NOX4: variants seen among roughly 807,000 people sequenced by gnomAD.
The protein encoded by NOX4 is NADPH oxidase 4, also known as kidney oxidase-1.
NOX4 carries 69 observed loss-of-function variants against 87.6 expected under a neutral mutation model. The observed-to-expected ratio is 0.79, with a 90% CI of 0.65 to 0.96. The LOEUF (loss-of-function observed/expected upper bound fraction) is 0.96, where lower values mean the gene tolerates loss of function less well. Among genes scored for constraint, NOX4 ranks in the 40% least tolerant of loss-of-function variants. NOX4 has a pLI of 0.00. For synonymous variants in NOX4, 275 were observed against 238.2 expected (o/e 1.15, Z -1.42); for missense variants, 680 against 681.5 (o/e 1.00, Z 0.02).
chr11:89,406,958 G>C lies in NOX4; in HGVS notation c.630-4416C>G, dbSNP rs147939607. Among the ~76,000 whole-genome samples, 135 of 152,152 alleles carry C rather than the reference G, an allele frequency of 8.9e-4. 1 individual carries two copies. Among genetic ancestry groups the C allele is most frequent in the African/African-American group, 3.2e-3 (132 of 41,546 alleles). On this transcript the variant is annotated intron_variant, in intron 8 of 17. Coordinates refer to ENST00000263317, the MANE Select transcript of NOX4 (RefSeq NM_016931.5). ...AAGGATGTAGAGATTCCAGGGGTTA[G>C]AGAATAGGAGAATGGCATTCCAATA...
In NOX4 at chr11:89,333,366, T is replaced by C. The variant is rs191019583; in HGVS notation, c.1616+2479A>G. On this transcript the variant is annotated intron_variant, in intron 17 of 17. Transcript: ENST00000263317. ...TGTTAAAAAACTAAGGTTTTGATTT[T>C]AAATATATATCACACACACACACAT... is the stretch of plus-strand genomic sequence containing the variant. Among the ~76,000 whole-genome samples, 19 of 151,862 alleles carry C rather than the reference T, an allele frequency of 1.3e-4. No homozygotes were observed. The East Asian group carries it at 3.7e-3, about 29-fold the overall frequency.
upstream of NOX4, among the ~76,000 whole-genome samples, chr11:89,502,718 A>G (rs1947035507): frequency 6.6e-6 from 1 of 152,088 alleles, no homozygotes; most frequent in Non-Finnish European, 1.5e-5. Flanking sequence ...TTTGATGTTG[A>G]GAAACACAGC....
At chr11:89,466,747 G>A (rs890943463) in intron 2 of NOX4, among the ~76,000 whole-genome samples, 2 of 152,122 alleles carry the variant, frequency 1.3e-5, no homozygotes, top group African/African-American at 4.8e-5. Flanking sequence ...ATGAGAAACA[G>A]AGTATGAATA....
chr11:89,526,920 G>A, the NOX4 span, among the ~76,000 whole-genome samples: 6 of 152,148 alleles, frequency 3.9e-5, no homozygotes, highest in African/African-American at 1.4e-4. Context: ...GCAGAGGTTG[G>A]AACAGAAGAC....
the NOX4 span, among the ~76,000 whole-genome samples, chr11:89,570,362 G>A: frequency 6.6e-6 from 1 of 152,172 alleles, no homozygotes; most frequent in Non-Finnish European, 1.5e-5. Flanking sequence ...GAGGGTTGAA[G>A]GAGAGTGAGG....
chr11:89,563,331 T>C, the NOX4 span, among the ~76,000 whole-genome samples: 1 of 152,184 alleles, frequency 6.6e-6, no homozygotes, highest in Non-Finnish European at 1.5e-5. Context: ...ATTTCCACTG[T>C]TTAGATAGAT....
At chr11:89,436,390 T>A (rs898582371) in intron 6 of NOX4, among the ~76,000 whole-genome samples, 1 of 152,176 alleles carries the variant, frequency 6.6e-6, no homozygotes, top group African/African-American at 2.4e-5. Context: ...ATCACTGGGC[T>A]AGTCTAATCT....
intron 13 of NOX4, among the ~76,000 whole-genome samples, chr11:89,344,951 A>G (rs536632660): frequency 6.6e-6 from 1 of 152,318 alleles, no homozygotes; most frequent in African/African-American, 2.4e-5. Context: ...ATCATCTAAC[A>G]ATTCTCTCTT....
intron 12 of NOX4, among the ~76,000 whole-genome samples, chr11:89,358,962 T>C (rs1203611126): frequency 1.3e-5 from 2 of 151,820 alleles, no homozygotes; most frequent in African/African-American, 4.8e-5. Context: ...TTCTGCGAAG[T>C]GATACCGTGA....
At chr11:89,426,323 T>G (rs964148529) in intron 7 of NOX4, among the ~76,000 whole-genome samples, 1 of 152,102 alleles carries the variant, frequency 6.6e-6, no homozygotes, top group South Asian at 2.1e-4. Flanking sequence ...GATTTCTGCA[T>G]TTCCAACTGA....
At chr11:89,350,731 A>G (rs1946419828) in intron 13 of NOX4, among the ~76,000 whole-genome samples, 1 of 152,138 alleles carries the variant, frequency 6.6e-6, no homozygotes, top group African/African-American at 2.4e-5. Flanking sequence ...TCAACTTTAC[A>G]GAATTTTTTT....
intron 12 of NOX4, among the ~76,000 whole-genome samples, chr11:89,359,576 T>C (rs1019166117): frequency 3.1e-4 from 47 of 152,006 alleles, no homozygotes; most frequent in African/African-American, 1.1e-3. Context: ...ATTAATGCTA[T>C]TCTTGTATAA....
the NOX4 span, among the ~76,000 whole-genome samples, chr11:89,539,091 G>T: frequency 6.6e-6 from 1 of 151,976 alleles, no homozygotes; most frequent in Non-Finnish European, 1.5e-5. Context: ...AAACTAAAGC[G>T]CCTGACACAT....
intron 2 of NOX4, among the ~76,000 whole-genome samples, chr11:89,454,865 C>T (rs1216418331): frequency 6.6e-6 from 1 of 152,092 alleles, no homozygotes; most frequent in East Asian, 1.9e-4. Flanking sequence ...ACTCAATTTA[C>T]AGATGACTTG....
chr11:89,515,795 T>C, the NOX4 span, among the ~76,000 whole-genome samples: 1 of 152,028 alleles, frequency 6.6e-6, no homozygotes, highest in Non-Finnish European at 1.5e-5. Context: ...TCTAGCAATA[T>C]TTGCTTAAAA....
the NOX4 span, among the ~76,000 whole-genome samples, chr11:89,508,967 C>T: frequency 6.6e-6 from 1 of 151,920 alleles, no homozygotes; most frequent in South Asian, 2.1e-4. Flanking sequence ...TGGTGTTTTC[C>T]TATTATTCAG....
At chr11:89,505,869 G>C in the NOX4 span, among the ~76,000 whole-genome samples, 1 of 151,686 alleles carries the variant, frequency 6.6e-6, no homozygotes, top group Non-Finnish European at 1.5e-5. Flanking sequence ...TATAAAAACA[G>C]ACAAAATATG....
At chr11:89,495,358 T>C (rs1224540631), upstream of NOX4, among the ~76,000 whole-genome samples, 1 of 152,084 alleles carries the variant, frequency 6.6e-6, no homozygotes, top group African/African-American at 2.4e-5. Flanking sequence ...CTTTGATTTG[T>C]GGCTGTATCA....
At chr11:89,456,821 A>G (rs1945222863) in intron 2 of NOX4, among the ~76,000 whole-genome samples, 1 of 152,216 alleles carries the variant, frequency 6.6e-6, no homozygotes, top group Non-Finnish European at 1.5e-5. Context: ...GAGTATGGCT[A>G]GGGTGCCCAT....
Sources: gnomAD v4.1 joint callset for allele counts (sites outside exome capture counted in the v4.1 genomes callset) on GRCh38, gnomAD v4.1.1 for gene constraint, MANE v1.5 for transcripts, NCBI Gene and HGNC (gene_info 2026-07-23, HGNC 2026-07-21) for gene names.